FAT3: variants seen among roughly 807,000 people sequenced by gnomAD.
FAT3 encodes protocadherin Fat 3.
FAT3 carries 95 observed loss-of-function variants against 310.2 expected under a neutral mutation model. The observed-to-expected ratio is 0.31, with a 90% confidence interval of 0.26 to 0.36. The LOEUF is 0.36. Ranked by LOEUF, FAT3 falls within the 10% of genes least tolerant of loss-of-function variation. The pLI is 1.00. For synonymous variants in FAT3, 2,314 were observed against 2,192.9 expected (o/e 1.06, Z -1.54); for missense variants, 5,408 against 5,715.6 (o/e 0.95, Z 1.74).
At chr11:92,730,658 C>G (rs1945148240) in intron 4 of FAT3, among the ~76,000 whole-genome samples, 1 of 152,144 alleles carries the variant, frequency 6.6e-6, no homozygotes, top group South Asian at 2.1e-4. Flanking sequence ...AAATTTTGCT[C>G]ATCCAACCCC....
chr11:92,832,539 T>C (rs945392265), intron 14 of FAT3, among the ~76,000 whole-genome samples: 1 of 152,016 alleles, frequency 6.6e-6, no homozygotes, highest in Non-Finnish European at 1.5e-5. Flanking sequence ...AAGCTCCTTG[T>C]TGTGGGCTTA....
chr11:92,459,870 T>C (rs1422573293), intron 2 of FAT3, among the ~76,000 whole-genome samples: 1 of 152,202 alleles, frequency 6.6e-6, no homozygotes, highest in Non-Finnish European at 1.5e-5. Flanking sequence ...AAATGCTAGT[T>C]GATCTTTAAC....
rs371531518 is a variant in FAT3, at chr11:92,404,422, C to T, written c.3292+49018C>T. Among the ~76,000 whole-genome samples, 8 of 151,872 alleles carry T rather than the reference C, an allele frequency of 5.3e-5. No individual in the cohort carries two copies. In the East Asian group the frequency reaches 1.4e-3, roughly 26 times the overall value. On this transcript the variant is annotated intron_variant, in intron 2 of 27. Transcript: ENST00000525166. ...CTGGGAGAATGGAATCCCAAGTAAA[C>T]TACCCTGGATAACCTAGTAGCTAAT...
At chr11:92,488,690 C>A (rs994927608) in intron 2 of FAT3, among the ~76,000 whole-genome samples, 1 of 152,014 alleles carries the variant, frequency 6.6e-6, no homozygotes, top group African/African-American at 2.4e-5. Flanking sequence ...AACTTCTGAT[C>A]TCTCTTTAGA....
At chr11:92,595,025 G>A (rs1260364640) in intron 3 of FAT3, among the ~76,000 whole-genome samples, 1 of 149,708 alleles carries the variant, frequency 6.7e-6, no homozygotes, top group South Asian at 2.1e-4. Flanking sequence ...GTGTGTGTGT[G>A]TATCCTTTGG....
At chr11:92,284,395 T>A (rs1465275792) in intron 1 of FAT3, among the ~76,000 whole-genome samples, 2 of 152,094 alleles carry the variant, frequency 1.3e-5, no homozygotes, top group Non-Finnish European at 2.9e-5. Context: ...AAGGAGGCAG[T>A]GAATACCTAA....
At chr11:92,494,209 C>T (rs1046912193) in intron 2 of FAT3, among the ~76,000 whole-genome samples, 2 of 151,832 alleles carry the variant, frequency 1.3e-5, no homozygotes, top group Admixed American at 6.6e-5. Context: ...AGGAAACTGC[C>T]CCCATGATCC....
At chr11:92,656,901 A>G (rs1942600495) in intron 3 of FAT3, among the ~76,000 whole-genome samples, 2 of 151,602 alleles carry the variant, frequency 1.3e-5, no homozygotes, top group African/African-American at 4.8e-5. Flanking sequence ...TCCTCTGCTT[A>G]TTTTACCACA....
intron 7 of FAT3, among the ~76,000 whole-genome samples, chr11:92,785,173 T>G (rs977436850): frequency 6.6e-5 from 10 of 152,148 alleles, no homozygotes; most frequent in Non-Finnish European, 8.8e-5. Context: ...AAAAGGCATA[T>G]TTGTACCAAA....
intron 1 of FAT3, among the ~76,000 whole-genome samples, chr11:92,230,715 G>C (rs1864142492): frequency 1.3e-5 from 2 of 152,190 alleles, no homozygotes; most frequent in South Asian, 4.1e-4. Context: ...CATTGCTTCT[G>C]CTTCGTGCTG....
chr11:92,397,122 C>T (rs1229746882), intron 2 of FAT3, among the ~76,000 whole-genome samples: 2 of 152,102 alleles, frequency 1.3e-5, no homozygotes, highest in African/African-American at 2.4e-5. Context: ...TTCATGACAC[C>T]TCACTTGTGC....
At chr11:92,445,386 C>T (rs767841339) in intron 2 of FAT3, among the ~76,000 whole-genome samples, 12 of 152,096 alleles carry the variant, frequency 7.9e-5, no homozygotes, top group Non-Finnish European at 1.6e-4. Flanking sequence ...CAGGAGATTC[C>T]GATACTGTTT....
chr11:92,769,233 A>G (rs1016180923), intron 6 of FAT3, among the ~76,000 whole-genome samples: 5 of 152,168 alleles, frequency 3.3e-5, no homozygotes, highest in Admixed American at 6.6e-5. Flanking sequence ...CAGAAGCCCT[A>G]CTTGTAACTG....
At chr11:92,410,393 G>A (rs190089660) in intron 2 of FAT3, among the ~76,000 whole-genome samples, 7 of 152,174 alleles carry the variant, frequency 4.6e-5, no homozygotes, top group Admixed American at 4.6e-4. Context: ...AGTGGGGAGC[G>A]GGGAGAGAGA....
At chr11:92,746,803 A>G (rs1248489626) in intron 4 of FAT3, among the ~76,000 whole-genome samples, 1 of 152,224 alleles carries the variant, frequency 6.6e-6, no homozygotes, top group Non-Finnish European at 1.5e-5. Context: ...TGCAAGTCCA[A>G]AATCCAATAG....
At chr11:92,811,797 T>C (rs979968549) in intron 13 of FAT3, among the ~76,000 whole-genome samples, 2 of 152,196 alleles carry the variant, frequency 1.3e-5, no homozygotes, top group Non-Finnish European at 2.9e-5. Flanking sequence ...TAAAGTATAC[T>C]CACCAGGCCA....
intron 4 of FAT3, among the ~76,000 whole-genome samples, chr11:92,730,371 T>C (rs113967853): frequency 1.6e-4 from 24 of 152,300 alleles, no homozygotes; most frequent in African/African-American, 5.5e-4. Context: ...AATTTTGATA[T>C]ATAAACTCTG....
At chr11:92,277,578 C>A (rs1023679213) in intron 1 of FAT3, among the ~76,000 whole-genome samples, 2 of 152,104 alleles carry the variant, frequency 1.3e-5, no homozygotes, top group Admixed American at 1.3e-4. Flanking sequence ...AGCTGGAGGC[C>A]GTTGTCCTAA....
intron 2 of FAT3, among the ~76,000 whole-genome samples, chr11:92,433,531 C>T (rs1019083458): frequency 1.3e-5 from 2 of 152,088 alleles, no homozygotes; most frequent in Admixed American, 6.5e-5. Context: ...CGATGCCCCA[C>T]CCTACTTTTG....
Sources: gnomAD v4.1 joint callset for allele counts (sites outside exome capture counted in the v4.1 genomes callset) on GRCh38, gnomAD v4.1.1 for gene constraint, MANE v1.5 for transcripts, NCBI Gene and HGNC (gene_info 2026-07-23, HGNC 2026-07-21) for gene names.